Variants in POFUT3 observed in about 807,000 individuals in gnomAD.
POFUT3 encodes protein O-fucosyltransferase 3.
chr8:33,408,884 T>C, the POFUT3 span, among the ~76,000 whole-genome samples: 4 of 152,076 alleles, frequency 2.6e-5, no homozygotes, highest in Non-Finnish European at 4.4e-5. Context: ...GATTACATGA[T>C]ACACTTGTCA....
At chr8:33,331,795 C>T in the POFUT3 span, among the ~76,000 whole-genome samples, 1 of 152,036 alleles carries the variant, frequency 6.6e-6, no homozygotes, top group Non-Finnish European at 1.5e-5. Context: ...CCTGTCTCAG[C>T]CTCCCGAGTA....
the POFUT3 span, chr8:33,372,556 T>C: frequency 6.2e-7 from 1 of 1,610,664 alleles, no homozygotes; most frequent in Non-Finnish European, 8.5e-7. Flanking sequence ...CTAGTCTGTT[T>C]CATTCTGATC....
At chr8:33,400,130 T>TAAA in the POFUT3 span, among the ~76,000 whole-genome samples, 411 of 114,902 alleles carry the variant, frequency 3.6e-3, 3 homozygotes, top group Middle Eastern at 0.013. Context: ...TTAAGTTCAT[T>TAAA]AAAAAAAAAA....
chr8:33,443,249 T>C, the POFUT3 span, among the ~76,000 whole-genome samples: 2 of 152,216 alleles, frequency 1.3e-5, no homozygotes, highest in African/African-American at 4.8e-5. Flanking sequence ...AACTATCTCC[T>C]GAGACGAAAT....
the POFUT3 span, chr8:33,473,006 GC>G: frequency 6.6e-6 from 1 of 152,444 alleles, no homozygotes; most frequent in Non-Finnish European, 1.5e-5. Flanking sequence ...TCAGCATCAA[GC>G]CCCTACCCCC....
the POFUT3 span, among the ~76,000 whole-genome samples, chr8:33,356,768 A>T: frequency 2.6e-5 from 4 of 152,098 alleles, no homozygotes; most frequent in Non-Finnish European, 2.9e-5. Context: ...CTGAATGGTA[A>T]TGCGTAGGTT....
chr8:33,382,882 C>T, the POFUT3 span, among the ~76,000 whole-genome samples: 20 of 152,260 alleles, frequency 1.3e-4, no homozygotes, highest in South Asian at 1.2e-3. Flanking sequence ...ACCAACAGTA[C>T]ACCTCACCTC....
At chr8:33,316,741 C>A in the POFUT3 span, among the ~76,000 whole-genome samples, 159 of 136,708 alleles carry the variant, frequency 1.2e-3, no homozygotes, top group South Asian at 1.8e-3. Flanking sequence ...GACTCTGTCT[C>A]AAAAAAAAAA....
chr8:33,431,359 C>T, the POFUT3 span, among the ~76,000 whole-genome samples: 5,941 of 151,166 alleles, frequency 0.039, 169 homozygotes, highest in African/African-American at 0.075. Flanking sequence ...CCAGCCTGGC[C>T]AATATGGTGA....
chr8:33,311,864 G>C, the POFUT3 span, among the ~76,000 whole-genome samples: 1 of 152,106 alleles, frequency 6.6e-6, no homozygotes, highest in Non-Finnish European at 1.5e-5. Context: ...CCCAATACCT[G>C]TGAACTTGAC....
the POFUT3 span, among the ~76,000 whole-genome samples, chr8:33,311,127 T>C: frequency 6.6e-6 from 1 of 152,210 alleles, no homozygotes; most frequent in Non-Finnish European, 1.5e-5. Flanking sequence ...AAGACTATTC[T>C]CCTTGCTTTA....
At chr8:33,357,913 T>C in the POFUT3 span, among the ~76,000 whole-genome samples, 6 of 152,272 alleles carry the variant, frequency 3.9e-5, no homozygotes, top group South Asian at 1.0e-3. Flanking sequence ...ATGAACCTAA[T>C]CATGAGAAGG....
chr8:33,369,695 T>C, the POFUT3 span, among the ~76,000 whole-genome samples: 1 of 152,166 alleles, frequency 6.6e-6, no homozygotes, highest in Non-Finnish European at 1.5e-5. Context: ...TTATAGATAT[T>C]GAGCAGGTTC....
At chr8:33,369,199 G>A in the POFUT3 span, among the ~76,000 whole-genome samples, 28 of 152,284 alleles carry the variant, frequency 1.8e-4, no homozygotes, top group East Asian at 3.5e-3. Flanking sequence ...TCACAAGGAG[G>A]TTGGATATTA....
chr8:33,326,740 C>A, the POFUT3 span, among the ~76,000 whole-genome samples: 1 of 152,070 alleles, frequency 6.6e-6, no homozygotes, highest in African/African-American at 2.4e-5. Flanking sequence ...TGGAATATTG[C>A]TCTGCTCATG....
chr8:33,421,628 T>C, the POFUT3 span, among the ~76,000 whole-genome samples: 1 of 152,222 alleles, frequency 6.6e-6, no homozygotes, highest in Admixed American at 6.5e-5. Flanking sequence ...GAGAGTACTG[T>C]ACATGCCTCG....
the POFUT3 span, among the ~76,000 whole-genome samples, chr8:33,392,472 G>A: frequency 6.6e-6 from 1 of 151,774 alleles, no homozygotes; most frequent in Non-Finnish European, 1.5e-5. Flanking sequence ...CCAGCTACTC[G>A]GGAGGCTGAG....
the POFUT3 span, among the ~76,000 whole-genome samples, chr8:33,449,541 C>T: frequency 6.6e-6 from 1 of 151,986 alleles, no homozygotes; most frequent in East Asian, 1.9e-4. Flanking sequence ...CTGCCCACCC[C>T]AGCCTTGCAA....
At chr8:33,398,080 C>G in the POFUT3 span, among the ~76,000 whole-genome samples, 2,340 of 152,206 alleles carry the variant, frequency 0.015, 54 homozygotes, top group African/African-American at 0.054. Context: ...AACAAAAATG[C>G]AAATGGCCAT....
Sources: allele counts gnomAD v4.1 joint callset (sites outside exome capture counted in the v4.1 genomes callset), GRCh38; gene constraint gnomAD v4.1.1; transcripts MANE v1.5; gene names NCBI Gene and HGNC (gene_info 2026-07-23, HGNC 2026-07-21).